The following FAM117B variants were observed in gnomAD, a reference collection of about 807,000 sequenced individuals.
FAM117B encodes family with sequence similarity 117 member B, also known as protein FAM117B.
Under a neutral mutation model 52.8 loss-of-function variants are expected in FAM117B, and 22 were observed. The ratio of observed to expected loss-of-function variants is 0.42; its 90% CI spans 0.30 to 0.59. The LOEUF (loss-of-function observed/expected upper bound fraction) is 0.59. Ranked by LOEUF, FAM117B falls within the 20% of genes least tolerant of loss-of-function variation. The pLI is 0.22. For missense variants in FAM117B, 678 were observed against 802.6 expected, an observed-to-expected ratio of 0.84 and a Z score of 1.88; for synonymous variants, 309 against 324.1, an observed-to-expected ratio of 0.95 and a Z score of 0.50.
At chr2:202,740,224 G>A (rs1166938607) in intron 4 of FAM117B, among the ~76,000 whole-genome samples, 1 of 140,282 alleles carries the variant, frequency 7.1e-6, no homozygotes, top group Non-Finnish European at 1.5e-5. Context: ...GCCGAGTGTG[G>A]TGGCAAACAC....
At chr2:202,730,661 C>CTAAA (rs1691327340) in intron 4 of FAM117B, among the ~76,000 whole-genome samples, 1 of 152,018 alleles carries the variant, frequency 6.6e-6, no homozygotes, top group South Asian at 2.1e-4. Flanking sequence ...ATAGAGTTCT[C>CTAAA]TAAATAAACA....
rs568777700 is a variant in FAM117B at position 202,663,423 on chromosome 2, G to T, written c.601+27635G>T. Among the ~76,000 whole-genome samples the T allele has an allele frequency of 1.4e-4, 21 of 152,158 alleles. No homozygotes were observed. The South Asian group carries it at 4.1e-3, about 30-fold the overall frequency. On this transcript the variant is annotated intron_variant, in intron 1 of 7. Transcript: ENST00000392238. ...CATTTATATATAGAGAGTTTTACTG[G>T]TTTTTATTGAAAAGCGTGTATCTTT...
intron 1 of FAM117B, among the ~76,000 whole-genome samples, chr2:202,659,239 C>T (rs1156369266): frequency 6.6e-6 from 1 of 152,004 alleles, no homozygotes; most frequent in East Asian, 1.9e-4. Context: ...CTCCTGATCT[C>T]AGGTGATCCA....
intron 2 of FAM117B, among the ~76,000 whole-genome samples, chr2:202,719,439 T>C (rs1483838266): frequency 6.6e-6 from 1 of 152,214 alleles, no homozygotes; most frequent in East Asian, 1.9e-4. Context: ...TGCAAGGATA[T>C]TAAGTACCAG....
chr2:202,675,497 T>G (rs1220867289), intron 1 of FAM117B, among the ~76,000 whole-genome samples: 1 of 132,508 alleles, frequency 7.5e-6, no homozygotes, highest in Non-Finnish European at 1.6e-5. Context: ...TCAGAAAACC[T>G]CTGCTTGCTC....
At position 202,637,538 on chromosome 2, in the gene FAM117B, C is replaced by T. The variant is rs1319546778; in HGVS notation, c.601+1750C>T. ...TCCCAAAGTGCTAGGATTGCCCAGCCCAGAGCACTATTTTAAACCTTTTGA... is the reference window on the plus strand; with the variant it reads ...TCCCAAAGTGCTAGGATTGCCCAGCTCAGAGCACTATTTTAAACCTTTTGA... On this transcript the variant is annotated intron_variant, in intron 1 of 7. Coordinates refer to ENST00000392238, the MANE Select transcript of FAM117B (RefSeq NM_173511.4). Among the ~76,000 whole-genome samples the T allele has an allele frequency of 2.6e-5, 4 of 152,260 alleles. 1 individual carries two copies. The highest frequency in any genetic ancestry group is 2.9e-5 in the Non-Finnish European group (2 of 68,026).
chr2:202,643,319 C>T (rs888986391), intron 1 of FAM117B, among the ~76,000 whole-genome samples: 10 of 151,970 alleles, frequency 6.6e-5, no homozygotes, highest in South Asian at 2.1e-4. Context: ...ATGGAAAATG[C>T]GAGAGGCATG....
chr2:202,650,717 G>C (rs556617231), intron 1 of FAM117B, among the ~76,000 whole-genome samples: 7 of 152,188 alleles, frequency 4.6e-5, no homozygotes, highest in African/African-American at 1.7e-4. Context: ...AAATCCAAGA[G>C]TCCAAAAGCT....
chr2:202,712,391 C>T, intron 2 of FAM117B, among the ~76,000 whole-genome samples: 1 of 145,826 alleles, frequency 6.9e-6, no homozygotes, highest in African/African-American at 2.5e-5. Flanking sequence ...ATTTTGTATC[C>T]TGCAACCTTG....
chr2:202,673,461 T>TTTTTTTTTTTTTTTTTTTTC (rs1559099191), intron 1 of FAM117B, among the ~76,000 whole-genome samples: 1 of 120,404 alleles, frequency 8.3e-6, no homozygotes, highest in African/African-American at 2.9e-5. Flanking sequence ...TTTTTTTTTT[T>TTTTTTTTTTTTTTTTTTTTC]TTTTGAGACG....
chr2:202,750,609 G>C (rs989481586), intron 4 of FAM117B, among the ~76,000 whole-genome samples: 1 of 152,098 alleles, frequency 6.6e-6, no homozygotes, highest in Non-Finnish European at 1.5e-5. Flanking sequence ...TATGATTTTG[G>C]GGGGACACAC....
rs201554746 is a variant in FAM117B at position 202,731,331 on chromosome 2, G to GAAAA, written c.960+4970_960+4971insAAAA. Among the ~76,000 whole-genome samples the GAAAA allele has an allele frequency of 1.6e-3, 53 of 33,356 alleles. No homozygotes were observed. In the South Asian group the frequency reaches 0.079, roughly 50 times the overall value. The allele number at this position is 33,356 out of a possible 152,430, so 21.9% of individuals were successfully genotyped here. A position where few individuals can be genotyped will look rare whatever the true frequency, so the allele number is the denominator to read the frequency against. On this transcript the variant is annotated intron_variant, in intron 4 of 7. Transcript: ENST00000392238. ...GTCAGGGGAGGATGTGGAGAAATTG[G>GAAAA]AATATATATATATATATATATATAT... is the stretch of plus-strand genomic sequence containing the variant.
At chr2:202,645,450 C>T (rs370463143) in intron 1 of FAM117B, among the ~76,000 whole-genome samples, 5 of 150,782 alleles carry the variant, frequency 3.3e-5, no homozygotes, top group African/African-American at 4.9e-5. Context: ...CCACCTCGCC[C>T]GGCTAATTTT....
rs540242523 is a variant in FAM117B, at chr2:202,761,746, C to T, written c.1451+2393C>T. On this transcript the variant is annotated intron_variant, in intron 7 of 7. Transcript: ENST00000392238. ...TTTACCATATTGGCCAGGCTAGTCT[C>T]GAACTCCTGACCTCAGGTGGATCTA... 2.6e-5 allele frequency among the ~76,000 whole-genome samples: 4 copies of T among 152,136 alleles called. No homozygotes were observed. In the East Asian group the frequency reaches 7.7e-4, roughly 29 times the overall value.
chr2:202,670,016 A>G (rs931585609), intron 1 of FAM117B, among the ~76,000 whole-genome samples: 1 of 152,176 alleles, frequency 6.6e-6, no homozygotes, highest in Non-Finnish European at 1.5e-5. Flanking sequence ...CTTCATTCTC[A>G]CATACTGTCT....
At chr2:202,736,446 ATTT>A (rs977554659) in intron 4 of FAM117B, among the ~76,000 whole-genome samples, 1 of 152,052 alleles carries the variant, frequency 6.6e-6, no homozygotes, top group African/African-American at 2.4e-5. Context: ...GTGCTTACTA[ATTT>A]TTTTACCATT....
intron 2 of FAM117B, among the ~76,000 whole-genome samples, chr2:202,705,228 C>T (rs1370111080): frequency 6.6e-6 from 1 of 151,888 alleles, no homozygotes; most frequent in South Asian, 2.1e-4. Flanking sequence ...ATCGTTTGTA[C>T]CTGGGAGGTG....
chr2:202,637,046 G>A (rs1689697022), intron 1 of FAM117B, among the ~76,000 whole-genome samples: 1 of 151,852 alleles, frequency 6.6e-6, no homozygotes, highest in Non-Finnish European at 1.5e-5. Flanking sequence ...ACAGGCGACC[G>A]CCACCATGCC....
chr2:202,695,935 C>T lies in FAM117B; in HGVS notation c.656C>T (p.Ser219Phe). ...SSPSSIIRRTSSLDTLAAPYL... is the reference protein window; with the variant it reads ...SSPSSIIRRTFSLDTLAAPYL... Reference sequence around the variant, plus strand: ...CCCTCCAGTATTATCCGACGCACTTCCTCCCTGGATACTCTTGCTGCACCG... The same window carrying T: ...CCCTCCAGTATTATCCGACGCACTTTCTCCCTGGATACTCTTGCTGCACCG... The change falls in exon 2 of 8, where the codon TCC becomes TTC. Residue 219 changes from serine (S) to phenylalanine (F), a missense_variant. Transcript: ENST00000392238. 2 of 1,613,994 alleles carry T rather than the reference C, an allele frequency of 1.2e-6. No homozygotes were observed. Among genetic ancestry groups the T allele is most frequent in the Non-Finnish European group, 1.7e-6 (2 of 1,179,958 alleles).
Sources: gnomAD v4.1 joint callset for allele counts (sites outside exome capture counted in the v4.1 genomes callset) on GRCh38, gnomAD v4.1.1 for gene constraint, MANE v1.5 for transcripts, NCBI Gene and HGNC (gene_info 2026-07-23, HGNC 2026-07-21) for gene names.